CCNH: variants seen among roughly 807,000 people sequenced by gnomAD.
The protein encoded by CCNH is cyclin-H.
Under a neutral mutation model 41.9 loss-of-function variants are expected in CCNH, and 31 were observed. That is an observed-to-expected ratio of 0.74 (90% confidence interval 0.56 to 1.00). The LOEUF (loss-of-function observed/expected upper bound fraction) is 1.00, where lower values mean the gene tolerates loss of function less well. Among genes scored for constraint, CCNH ranks in the 50% least tolerant of loss-of-function variants. The pLI is 0.00. For synonymous variants in CCNH, 138 were observed against 136.1 expected, an observed-to-expected ratio of 1.01 and a Z score of -0.10; for missense variants, 362 against 388.4, an observed-to-expected ratio of 0.93 and a Z score of 0.57.
chr5:87,329,213 G>C (rs1211305188), intron 9 of CCNH, among the ~76,000 whole-genome samples: 1 of 151,852 alleles, frequency 6.6e-6, no homozygotes, highest in East Asian at 1.9e-4. Flanking sequence ...GGAAGGCTGA[G>C]GTGAGCAGAT....
chr5:87,403,228 G>GA (rs72291520), intron 5 of CCNH, among the ~76,000 whole-genome samples: 1,940 of 124,436 alleles, frequency 0.016, 36 homozygotes, highest in African/African-American at 0.054. Flanking sequence ...TTCCCTAAAG[G>GA]AAAAAAAAAA....
At chr5:87,325,290 A>T (rs770865411) in intron 9 of CCNH, among the ~76,000 whole-genome samples, 24 of 152,360 alleles carry the variant, frequency 1.6e-4, no homozygotes, top group Non-Finnish European at 3.2e-4. Flanking sequence ...GGTCCCACCC[A>T]CAACATGTGG....
At chr5:87,409,265 C>A in intron 3 of CCNH, 25 bp downstream of exon 3, 1 of 1,295,702 alleles carries the variant, frequency 7.7e-7, no homozygotes, top group Non-Finnish European at 1.1e-6. Context: ...TAAATGAAAA[C>A]AATATATTAG....
chr5:87,319,061 A>G (rs1381553297), intron 9 of CCNH, among the ~76,000 whole-genome samples: 2 of 152,354 alleles, frequency 1.3e-5, no homozygotes, highest in East Asian at 3.9e-4. Flanking sequence ...TCAAGCTCCC[A>G]TATCCTTTGA....
In CCNH at chr5:87,385,296, T is replaced by G. The variant is rs759883031; in HGVS notation, c.*90+7474A>C. ...TGTCATTAGCTGTGCCCAATTCTGT[T>G]ACAGATTCTCCATCTCCTATTGCTG... On this transcript the variant is annotated intron_variant and NMD_transcript_variant, in intron 9 of 9. Transcript: ENST00000645953. 5.6e-6 allele frequency: 9 copies of G among 1,593,940 alleles called. No individual in the cohort carries two copies. Among genetic ancestry groups the G allele is most frequent in the Middle Eastern group, 3.3e-4 (2 of 6,030 alleles).
At chr5:87,364,570 T>G (rs1760364382) in intron 9 of CCNH, among the ~76,000 whole-genome samples, 1 of 152,080 alleles carries the variant, frequency 6.6e-6, no homozygotes, top group Non-Finnish European at 1.5e-5. Flanking sequence ...AACACAAAGA[T>G]TGCGTGAGGA....
At chr5:87,323,349 A>G (rs1756964876) in intron 9 of CCNH, among the ~76,000 whole-genome samples, 2 of 152,152 alleles carry the variant, frequency 1.3e-5, no homozygotes, top group Non-Finnish European at 2.9e-5. Context: ...AATAATTGTA[A>G]CTTGTTTGGG....
At chr5:87,349,323 GC>G in intron 9 of CCNH, 1 of 1,611,824 alleles carries the variant, frequency 6.2e-7, no homozygotes, top group Non-Finnish European at 8.5e-7. Context: ...TATGTCCAAC[GC>G]CAAACAATCA....
chr5:87,408,233 G>A, intron 3 of CCNH, 47 bp from the exon 4 acceptor site: 1 of 679,036 alleles, frequency 1.5e-6, no homozygotes, highest in Non-Finnish European at 2.5e-6. Context: ...GGGTGGGGTG[G>A]AAGAACATGC....
At chr5:87,372,155 G>A (rs377099473), downstream of CCNH, 62 of 1,613,472 alleles carry the variant, frequency 3.8e-5, no homozygotes, top group East Asian at 2.9e-4. Flanking sequence ...TGCAATTTAC[G>A]GAAAAGTAGT....
At position 87,412,714 on chromosome 5, in the gene CCNH, G is replaced by A; in HGVS notation, c.81C>T (p.Asn27=). The part of the protein sequence containing the change: ...EQLARLRADA[N]RKFRCKAVAN... ...CCACGGCTTTGCATCTGAATTTGCG[G>A]TTGGCGTCAGCCCGCAGTCTTGCCA... Residue 27 remains asparagine (N), a synonymous_variant, in exon 1 of 9, where the codon AAC becomes AAT. Transcript: ENST00000256897. The A allele has an allele frequency of 6.2e-7, 1 of 1,614,178 alleles. No individual in the cohort carries two copies. The highest frequency in any genetic ancestry group is 1.3e-5 in the African/African-American group (1 of 75,074).
chr5:87,379,922 T>C (rs1017298404), upstream of CCNH: 6 of 1,449,682 alleles, frequency 4.1e-6, no homozygotes, highest in Admixed American at 3.6e-5. Context: ...TTCTAAAACG[T>C]GAAAGCTTTT....
intron 8 of CCNH, chr5:87,394,690 T>C: frequency 7.4e-7 from 1 of 1,351,520 alleles, no homozygotes; most frequent in Non-Finnish European, 9.5e-7. Flanking sequence ...GTTATGGCTG[T>C]GACCTTTTGC....
upstream of CCNH, chr5:87,379,894 G>A: frequency 6.3e-7 from 1 of 1,577,580 alleles, no homozygotes; most frequent in Non-Finnish European, 8.7e-7. Flanking sequence ...GTGTATCTAT[G>A]TCTTCAGAAA....
chr5:87,387,871 T>C (rs537734843), downstream of CCNH, among the ~76,000 whole-genome samples: 6 of 152,308 alleles, frequency 3.9e-5, no homozygotes, highest in South Asian at 2.1e-4. Context: ...TGGTCAATCA[T>C]TGGAAAATAT....
intron 9 of CCNH, among the ~76,000 whole-genome samples, chr5:87,352,313 C>A (rs1759332282): frequency 6.6e-6 from 1 of 151,384 alleles, no homozygotes; most frequent in Non-Finnish European, 1.5e-5. Context: ...TACACACACA[C>A]ACACATATAT....
intron 9 of CCNH, chr5:87,370,021 C>G: frequency 1.2e-6 from 1 of 859,972 alleles, no homozygotes; most frequent in East Asian, 2.7e-5. Flanking sequence ...ATCTAATCAT[C>G]TCTTATTTTA....
exon 1 of CCNH, chr5:87,376,613 A>G: frequency 6.4e-7 from 1 of 1,569,514 alleles, no homozygotes; most frequent in Non-Finnish European, 8.8e-7. Flanking sequence ...TAACAGAAAC[A>G]TTTAACATTT....
At chr5:87,391,061 G>GAA, downstream of CCNH, 2 of 696,538 alleles carry the variant, frequency 2.9e-6, no homozygotes, top group Non-Finnish European at 5.2e-6. Context: ...CAGCAACCTT[G>GAA]TAAGCTATCT....
Sources: allele counts gnomAD v4.1 joint callset (sites outside exome capture counted in the v4.1 genomes callset), GRCh38; gene constraint gnomAD v4.1.1; transcripts MANE v1.5; gene names NCBI Gene and HGNC (gene_info 2026-07-23, HGNC 2026-07-21).